Variants in ADGRV1 observed in about 807,000 individuals in gnomAD.
ADGRV1 encodes the protein G-protein coupled receptor 98.
ADGRV1 carries 359 observed loss-of-function variants against 596.2 expected under a neutral mutation model. The ratio of observed to expected loss-of-function variants is 0.60; its 90% CI spans 0.55 to 0.66. ADGRV1 has a LOEUF of 0.66. Among genes scored for constraint, ADGRV1 ranks in the 30% least tolerant of loss-of-function variants. The pLI is 0.00. For missense variants in ADGRV1, 7,274 were observed against 7,575.6 expected, an observed-to-expected ratio of 0.96 and a Z score of 1.48; for synonymous variants, 2,681 against 2,679.2, an observed-to-expected ratio of 1.00 and a Z score of -0.02.
At chr5:91,060,518 C>T (rs1787332063) in intron 85 of ADGRV1, among the ~76,000 whole-genome samples, 1 of 151,968 alleles carries the variant, frequency 6.6e-6, no homozygotes, top group African/African-American at 2.4e-5. Flanking sequence ...GCATGAGCCA[C>T]CACACCAAGC....
chr5:91,028,276 C>T (rs1188407137), intron 85 of ADGRV1, among the ~76,000 whole-genome samples: 1 of 152,052 alleles, frequency 6.6e-6, no homozygotes, highest in Non-Finnish European at 1.5e-5. Flanking sequence ...CAGCTATCCC[C>T]ATAAACCCAG....
chr5:91,000,520 T>C (rs1306902708), intron 85 of ADGRV1, among the ~76,000 whole-genome samples: 2 of 152,142 alleles, frequency 1.3e-5, no homozygotes, highest in African/African-American at 4.8e-5. Context: ...AAGGTACCAG[T>C]CTCCCAACGC....
intron 83 of ADGRV1, among the ~76,000 whole-genome samples, chr5:90,901,884 A>G (rs765598493): frequency 7.9e-5 from 12 of 152,056 alleles, no homozygotes; most frequent in Non-Finnish European, 1.6e-4. Context: ...GTGATAGGTC[A>G]TTGTAAAGTT....
chr5:90,854,251 G>C, intron 81 of ADGRV1, 50 bp downstream of exon 81: 2 of 1,395,818 alleles, frequency 1.4e-6, no homozygotes, highest in Non-Finnish European at 1.9e-6. Flanking sequence ...TCCCCATTTC[G>C]GTACCACTGA....
intron 1 of ADGRV1, among the ~76,000 whole-genome samples, chr5:90,564,540 G>GT (rs1397636507): frequency 1.3e-5 from 2 of 151,748 alleles, no homozygotes; most frequent in South Asian, 2.1e-4. Flanking sequence ...AGGTTTGATT[G>GT]TTTTTTAAAT....
chr5:90,765,514 T>G (rs1436128798), intron 59 of ADGRV1, among the ~76,000 whole-genome samples: 1 of 151,726 alleles, frequency 6.6e-6, no homozygotes, highest in Non-Finnish European at 1.5e-5. Flanking sequence ...AAGTTTTTAT[T>G]GCTACATAAT....
At chr5:90,705,977 T>C (rs1748536337) in intron 37 of ADGRV1, among the ~76,000 whole-genome samples, 1 of 152,184 alleles carries the variant, frequency 6.6e-6, no homozygotes, top group Admixed American at 6.5e-5. Flanking sequence ...TCATCATTTT[T>C]ACCTTGTTCT....
Position 90,774,207 on chromosome 5 carries a change from G to A in ADGRV1, c.12307G>A (p.Val4103Met). 3.1e-6 allele frequency: 5 copies of A among 1,608,066 alleles called. No homozygotes were observed. Among genetic ancestry groups the A allele is most frequent in the Non-Finnish European group, 4.3e-6 (5 of 1,175,324 alleles). The part of the protein sequence containing the change: ...FDETESQKTI[V>M]LHTLQDTVLE... ...GTAGACTGAGTCCCAGAAGACCATT[G>A]TGTTGCACACACTTCAAGACACAGT... The change falls in exon 60 of 90, where the codon GTG (valine) becomes ATG (methionine). Residue 4103 changes from valine to methionine, a missense_variant. Coordinates refer to ENST00000405460, the MANE Select transcript of ADGRV1 (RefSeq NM_032119.4).
chr5:90,862,509 C>A (rs1399648988), intron 82 of ADGRV1, among the ~76,000 whole-genome samples: 1 of 152,086 alleles, frequency 6.6e-6, no homozygotes, highest in Non-Finnish European at 1.5e-5. Context: ...AGCATCAACT[C>A]CAGTAGTATA....
intron 85 of ADGRV1, among the ~76,000 whole-genome samples, chr5:91,036,138 A>G (rs936998549): frequency 6.6e-6 from 1 of 152,100 alleles, no homozygotes; most frequent in Non-Finnish European, 1.5e-5. Flanking sequence ...ATGTATCCTT[A>G]AACAGCTCTT....
At chr5:90,621,161 A>T (rs935129042) in intron 4 of ADGRV1, among the ~76,000 whole-genome samples, 2 of 152,204 alleles carry the variant, frequency 1.3e-5, no homozygotes, top group Non-Finnish European at 2.9e-5. Context: ...GACTCCAGTA[A>T]CATTCCTGAC....
intron 1 of ADGRV1, among the ~76,000 whole-genome samples, chr5:90,605,990 A>G (rs893872082): frequency 6.6e-6 from 1 of 152,252 alleles, no homozygotes; most frequent in Non-Finnish European, 1.5e-5. Context: ...CCCAATTTAC[A>G]TGTGACTTCA....
In ADGRV1 at chr5:90,907,945, G is replaced by A. The variant is rs987708457; in HGVS notation, c.17856+44088G>A. On this transcript the variant is annotated intron_variant, in intron 83 of 89. Coordinates refer to ENST00000405460, the MANE Select transcript of ADGRV1 (RefSeq NM_032119.4). ...GGCTTACTGCAACCTCCATCTCCCGGGTTCAAGTAATTATCCTGCCTCAGC... is the reference window on the plus strand; with the variant it reads ...GGCTTACTGCAACCTCCATCTCCCGAGTTCAAGTAATTATCCTGCCTCAGC... Among the ~76,000 whole-genome samples the A allele has an allele frequency of 6.6e-5, 10 of 152,148 alleles. No homozygotes were observed. In the East Asian group the frequency reaches 1.7e-3, roughly 26 times the overall value.
chr5:90,845,909 G>T (rs1184760523), intron 78 of ADGRV1, among the ~76,000 whole-genome samples: 1 of 152,094 alleles, frequency 6.6e-6, no homozygotes, highest in Non-Finnish European at 1.5e-5. Flanking sequence ...CAGTGGTTGT[G>T]CTCTGTCTCC....
Position 90,778,589 on chromosome 5 carries a change from C to T in ADGRV1, c.12829C>T (p.Arg4277Ter), listed in dbSNP as rs1758506826. 2.5e-6 allele frequency: 4 copies of T among 1,598,778 alleles called. No homozygotes were observed. Among genetic ancestry groups the T allele is most frequent in the Non-Finnish European group, 3.4e-6 (4 of 1,171,350 alleles). The change falls in exon 63 of 90, where the codon CGA (arginine) becomes TGA (stop). Residue 4277 changes from arginine to a stop codon, truncating the protein, a stop_gained. Transcript: ENST00000405460. LOFTEE classifies it high-confidence loss of function. ...GRFAFSHEQL[R>*]VSEAQRVNIT... Reference sequence around the variant, plus strand: ...ATTTGCCTTTTCACATGAGCAACTTCGAGTGTCAGAAGCACAGAGGGTATA... The same window carrying T: ...ATTTGCCTTTTCACATGAGCAACTTTGAGTGTCAGAAGCACAGAGGGTATA...
chr5:90,949,509 A>G (rs1178733719), intron 83 of ADGRV1, among the ~76,000 whole-genome samples: 2 of 152,234 alleles, frequency 1.3e-5, no homozygotes, highest in African/African-American at 2.4e-5. Context: ...AAAATTAAAA[A>G]TGAATGGGGA....
Position 90,805,376 on chromosome 5 carries a change from C to T in ADGRV1, c.14754C>T (p.Leu4918=). ...MISRRGTYGA[L]SVAWTTGYAP... ...CTAGGAGAGGCACATATGGAGCTCTCTCGGTTGCCTGGACCACTGGATATG... is the reference window on the plus strand; with the variant it reads ...CTAGGAGAGGCACATATGGAGCTCTTTCGGTTGCCTGGACCACTGGATATG... The change falls in exon 72 of 90, where the codon CTC becomes CTT. Residue 4918 remains leucine, a synonymous_variant. Coordinates refer to ENST00000405460, the MANE Select transcript of ADGRV1 (RefSeq NM_032119.4). 6.2e-7 allele frequency: 1 copy of T among 1,611,632 alleles called. No individual in the cohort carries two copies. Among genetic ancestry groups the T allele is most frequent in the Non-Finnish European group, 8.5e-7 (1 of 1,178,076 alleles).
chr5:90,658,533 A>G (rs1209056800), intron 21 of ADGRV1, among the ~76,000 whole-genome samples: 2 of 152,222 alleles, frequency 1.3e-5, no homozygotes, highest in Non-Finnish European at 2.9e-5. Context: ...CTGAAAGTTA[A>G]TGCTCTTCAA....
chr5:90,758,491 A>G (rs1581024908), intron 57 of ADGRV1, among the ~76,000 whole-genome samples: 1 of 152,332 alleles, frequency 6.6e-6, no homozygotes, highest in South Asian at 2.1e-4. Context: ...ATCATTAACC[A>G]GCATCCATAG....
Sources: allele counts gnomAD v4.1 joint callset (sites outside exome capture counted in the v4.1 genomes callset), GRCh38; gene constraint gnomAD v4.1.1; transcripts MANE v1.5; gene names NCBI Gene and HGNC (gene_info 2026-07-23, HGNC 2026-07-21).